Variants in PPP2R5C observed in about 807,000 individuals in gnomAD.
PPP2R5C encodes the protein protein phosphatase 2 regulatory subunit B'gamma, also known as serine/threonine-protein phosphatase 2A 56 kDa regulatory subunit gamma isoform.
A neutral mutation model predicts 68.9 loss-of-function variants in PPP2R5C; 7 were observed. That is an observed-to-expected ratio of 0.10 (90% CI 0.06 to 0.19). The LOEUF (loss-of-function observed/expected upper bound fraction) is 0.19. Ranked by LOEUF, PPP2R5C falls within the 10% of genes least tolerant of loss-of-function variation. The pLI is 1.00. For synonymous variants in PPP2R5C, 210 were observed against 222.2 expected, an observed-to-expected ratio of 0.95 and a Z score of 0.49; for missense variants, 348 against 641.3, an observed-to-expected ratio of 0.54 and a Z score of 4.94.
intron 2 of PPP2R5C, among the ~76,000 whole-genome samples, chr14:101,769,934 G>A (rs149937228): frequency 2.2e-4 from 33 of 152,254 alleles, no homozygotes; most frequent in African/African-American, 7.2e-4. Context: ...AAACCTAGGT[G>A]GTAGTCTGCT....
intron 2 of PPP2R5C, among the ~76,000 whole-genome samples, chr14:101,785,385 C>G (rs1213341241): frequency 6.6e-6 from 1 of 152,194 alleles, no homozygotes. Context: ...TCAGCAGGGT[C>G]GTGATGGCTC....
At chr14:101,772,349 C>G (rs72715637) in intron 2 of PPP2R5C, among the ~76,000 whole-genome samples, 1 of 152,102 alleles carries the variant, frequency 6.6e-6, no homozygotes, top group Non-Finnish European at 1.5e-5. Context: ...GATACCCACA[C>G]GAGAAAGACT....
At chr14:101,900,577 T>C (rs909992642) in intron 8 of PPP2R5C, among the ~76,000 whole-genome samples, 1 of 152,240 alleles carries the variant, frequency 6.6e-6, no homozygotes, top group Non-Finnish European at 1.5e-5. Flanking sequence ...AATGCCTGTT[T>C]TGGATTGTTG....
At chr14:101,884,872 G>A (rs2044395276) in intron 5 of PPP2R5C, among the ~76,000 whole-genome samples, 1 of 152,258 alleles carries the variant, frequency 6.6e-6, no homozygotes, top group Non-Finnish European at 1.5e-5. Flanking sequence ...CCACCCCACT[G>A]CCAGTTTCGT....
At chr14:101,925,341 C>A in exon 14 of PPP2R5C, 2 of 1,585,992 alleles carry the variant, frequency 1.3e-6, no homozygotes, top group African/African-American at 1.4e-5. Context: ...ATACATACTT[C>A]CTGTGCCATA....
chr14:101,885,290 C>A (rs1252402800), intron 5 of PPP2R5C, among the ~76,000 whole-genome samples: 2 of 152,206 alleles, frequency 1.3e-5, no homozygotes, highest in African/African-American at 4.8e-5. Flanking sequence ...GAGACCCCCC[C>A]TGCCAAAACC....
chr14:101,798,826 G>A (rs1276430832), intron 3 of PPP2R5C, among the ~76,000 whole-genome samples: 3 of 152,152 alleles, frequency 2.0e-5, no homozygotes, highest in East Asian at 1.9e-4. Flanking sequence ...CGAGGCCAGC[G>A]TAGAAGGCAG....
At chr14:101,908,729 C>T (rs575243592) in intron 10 of PPP2R5C, among the ~76,000 whole-genome samples, 28 of 151,658 alleles carry the variant, frequency 1.8e-4, no homozygotes, top group African/African-American at 5.8e-4. Flanking sequence ...CCTGGAGTGT[C>T]GCCATGTTTC....
intron 2 of PPP2R5C, 120 bp from the exon 3 acceptor site, chr14:101,785,898 C>T: frequency 2.2e-6 from 2 of 897,602 alleles, no homozygotes; most frequent in Non-Finnish European, 3.2e-6. Flanking sequence ...ATGATGTCTT[C>T]CATGGAGTGA....
intron 6 of PPP2R5C, among the ~76,000 whole-genome samples, chr14:101,892,690 G>A (rs2045031819): frequency 6.6e-6 from 1 of 152,040 alleles, no homozygotes; most frequent in Non-Finnish European, 1.5e-5. Context: ...GCTGTTGCAG[G>A]GACCGGAGCA....
chr14:101,867,402 C>G (rs1458178247), intron 2 of PPP2R5C, among the ~76,000 whole-genome samples: 1 of 151,812 alleles, frequency 6.6e-6, no homozygotes, highest in Non-Finnish European at 1.5e-5. Flanking sequence ...GAGCAAGACT[C>G]TGCCTCAAAA....
chr14:101,855,856 C>A (rs1189549913), intron 1 of PPP2R5C, among the ~76,000 whole-genome samples: 3 of 152,328 alleles, frequency 2.0e-5, no homozygotes, highest in East Asian at 3.9e-4. Context: ...AAACCTCTTT[C>A]TTTATGTCTG....
At chr14:101,880,662 T>G (rs1051673337) in intron 2 of PPP2R5C, among the ~76,000 whole-genome samples, 18 of 151,988 alleles carry the variant, frequency 1.2e-4, no homozygotes, top group Non-Finnish European at 2.2e-4. Context: ...CAGAGCATGG[T>G]GGTGCGTGCT....
At position 101,882,344 on chromosome 14, in the gene PPP2R5C, G is replaced by C. The variant is rs2044217847; in HGVS notation, c.405+73G>C. 1.6e-6 allele frequency: 2 copies of C among 1,232,556 alleles called. No homozygotes were observed. The highest frequency in any genetic ancestry group is 2.9e-5 in the South Asian group (2 of 69,878). 76.4% of individuals were successfully genotyped at this position (1,232,556 alleles called of 1,614,324 possible). ...GAATGGCCTGGGATCCACAGAGCGG[G>C]CGCACTGGTCTGGCCAGATGGACCT... is the stretch of plus-strand genomic sequence containing the variant. On this transcript the variant is annotated intron_variant, in intron 3 of 13. Coordinates refer to ENST00000334743, the Ensembl canonical transcript of PPP2R5C. This position sits in a 1 kb window ranked among gnomAD's most constrained non-coding sequence, Gnocchi z 4.9.
chr14:101,790,498 A>G (rs1437253152), intron 3 of PPP2R5C, among the ~76,000 whole-genome samples: 2 of 152,172 alleles, frequency 1.3e-5, no homozygotes, highest in African/African-American at 2.4e-5. Context: ...CACTTCATAT[A>G]AGCGAAGTCA....
chr14:101,887,736 A>T (rs1318278280), intron 5 of PPP2R5C, among the ~76,000 whole-genome samples: 1 of 152,192 alleles, frequency 6.6e-6, no homozygotes, highest in African/African-American at 2.4e-5. Flanking sequence ...AGCAGGGCAC[A>T]AGGACAGCCC....
chr14:101,912,548 C>A, intron 12 of PPP2R5C, 75 bp downstream of exon 14: 1 of 1,453,014 alleles, frequency 6.9e-7, no homozygotes, highest in South Asian at 1.5e-5. Context: ...TATATGTCTT[C>A]ACCATGGGGG....
In PPP2R5C at chr14:101,895,169, A is replaced by G. The variant is rs145536768; in HGVS notation, c.852+609A>G. 1.7e-4 allele frequency among the ~76,000 whole-genome samples: 26 copies of G among 152,324 alleles called. No individual in the cohort carries two copies. The East Asian group carries it at 4.2e-3, about 25-fold the overall frequency. ...TCATAGCCAGGGTTAACAAAGCCAGACATGTCAGGTGCCAGTTTAAGCATT... is the reference window on the plus strand; with the variant it reads ...TCATAGCCAGGGTTAACAAAGCCAGGCATGTCAGGTGCCAGTTTAAGCATT... On this transcript the variant is annotated intron_variant, in intron 8 of 13. Coordinates refer to ENST00000334743, the Ensembl canonical transcript of PPP2R5C.
intron 1 of PPP2R5C, among the ~76,000 whole-genome samples, chr14:101,839,877 T>C (rs2041354004): frequency 1.3e-5 from 2 of 151,908 alleles, no homozygotes; most frequent in African/African-American, 2.4e-5. Flanking sequence ...CTCTCAGTGG[T>C]GCGCTCGTCC....
Sources: allele counts gnomAD v4.1 joint callset (sites outside exome capture counted in the v4.1 genomes callset), GRCh38; gene constraint gnomAD v4.1.1; non-coding constraint Gnocchi (gnomAD v3.1); transcripts MANE v1.5; gene names NCBI Gene and HGNC (gene_info 2026-07-23, HGNC 2026-07-21).